Variants in AHCYL2 observed in about 807,000 individuals in gnomAD.
AHCYL2 encodes adenosylhomocysteinase like 2.
A neutral mutation model predicts 81.4 loss-of-function variants in AHCYL2; 28 were observed. The ratio of observed to expected loss-of-function variants is 0.34; its 90% CI spans 0.25 to 0.47. The LOEUF (loss-of-function observed/expected upper bound fraction) is 0.47, where lower values mean the gene tolerates loss of function less well. Ranked by LOEUF, AHCYL2 falls within the 20% of genes least tolerant of loss-of-function variation. AHCYL2 has a pLI of 1.00. For missense variants in AHCYL2, 551 were observed against 785.1 expected (o/e 0.70, Z 3.56); for synonymous variants, 272 against 290.2 (o/e 0.94, Z 0.64).
chr7:129,337,546 C>T (rs1165894166), intron 1 of AHCYL2, among the ~76,000 whole-genome samples: 1 of 151,876 alleles, frequency 6.6e-6, no homozygotes, highest in African/African-American at 2.4e-5. Flanking sequence ...ATTACAGGTG[C>T]ACACCACCAC....
chr7:129,234,949 T>G (rs542655772), intron 1 of AHCYL2, among the ~76,000 whole-genome samples: 1 of 152,366 alleles, frequency 6.6e-6, no homozygotes, highest in South Asian at 2.1e-4. Context: ...TTCTATTCTC[T>G]TTCACAGGCA....
At chr7:129,354,722 A>G (rs1793679868) in intron 1 of AHCYL2, among the ~76,000 whole-genome samples, 1 of 152,226 alleles carries the variant, frequency 6.6e-6, no homozygotes, top group Non-Finnish European at 1.5e-5. Flanking sequence ...TTTCTCTGTC[A>G]CTGCTAGACT....
chr7:129,266,664 T>A (rs1423420135), intron 1 of AHCYL2, among the ~76,000 whole-genome samples: 1 of 152,178 alleles, frequency 6.6e-6, no homozygotes, highest in Non-Finnish European at 1.5e-5. Context: ...TAATTGAGTA[T>A]CTAATTTAAT....
chr7:129,357,945 AAAAG>A (rs1393914511), intron 1 of AHCYL2, among the ~76,000 whole-genome samples: 2 of 151,670 alleles, frequency 1.3e-5, no homozygotes, highest in South Asian at 2.1e-4. Flanking sequence ...AAAAAAAAAA[AAAAG>A]AAAGTGGGGC....
At chr7:129,358,562 G>A (rs1430083232) in intron 1 of AHCYL2, among the ~76,000 whole-genome samples, 2 of 152,154 alleles carry the variant, frequency 1.3e-5, no homozygotes, top group Admixed American at 1.3e-4. Context: ...GAGACAGAAA[G>A]CAGAGCCTTG....
intron 1 of AHCYL2, among the ~76,000 whole-genome samples, chr7:129,269,176 G>A (rs950061982): frequency 4.2e-5 from 6 of 142,796 alleles, no homozygotes; most frequent in African/African-American, 1.6e-4. Context: ...TCTGAAGTGT[G>A]GTGTGGCACG....
At chr7:129,400,028 C>G (rs1795953026) in intron 5 of AHCYL2, among the ~76,000 whole-genome samples, 1 of 152,052 alleles carries the variant, frequency 6.6e-6, no homozygotes, top group East Asian at 1.9e-4. Flanking sequence ...ACCTGGCCCC[C>G]TTTCATTACA....
intron 1 of AHCYL2, among the ~76,000 whole-genome samples, chr7:129,229,256 G>A (rs1328171913): frequency 6.6e-6 from 1 of 152,104 alleles, no homozygotes; most frequent in Non-Finnish European, 1.5e-5. Context: ...CAGTAGAGAT[G>A]AAGTTTCTCC....
At chr7:129,254,775 C>T (rs1307805488) in intron 1 of AHCYL2, among the ~76,000 whole-genome samples, 1 of 152,064 alleles carries the variant, frequency 6.6e-6, no homozygotes, top group African/African-American at 2.4e-5. Flanking sequence ...CCTGAAGGCA[C>T]CTTTATAGCT....
chr7:129,422,521 C>T (rs1797163369), intron 12 of AHCYL2, among the ~76,000 whole-genome samples: 2 of 152,084 alleles, frequency 1.3e-5, no homozygotes, highest in Non-Finnish European at 2.9e-5. Flanking sequence ...TGTTTTGTGT[C>T]CCTGGCTAAA....
chr7:129,403,495 G>T lies in AHCYL2; in HGVS notation c.1025+10G>T. 1 of 1,563,302 alleles carries T rather than the reference G, an allele frequency of 6.4e-7. No homozygotes were observed. Among genetic ancestry groups the T allele is most frequent in the South Asian group, 1.1e-5 (1 of 87,808 alleles). On this transcript the variant is annotated intron_variant, in intron 7 of 16. Coordinates refer to ENST00000325006, the MANE Select transcript of AHCYL2 (RefSeq NM_015328.4). Reference sequence around the variant, plus strand: ...TTACTGGAGTTCACAGGTAAGATTTGACATGGGCATACCTGGTTTTATGCA... The same window carrying T: ...TTACTGGAGTTCACAGGTAAGATTTTACATGGGCATACCTGGTTTTATGCA...
intron 13 of AHCYL2, among the ~76,000 whole-genome samples, chr7:129,424,058 A>G (rs1182468138): frequency 1.3e-5 from 2 of 152,080 alleles, no homozygotes; most frequent in Non-Finnish European, 2.9e-5. Context: ...CAGGCTTCAT[A>G]GGAAACAAAA....
chr7:129,354,016 G>T (rs1229378546), intron 1 of AHCYL2, among the ~76,000 whole-genome samples: 2 of 152,090 alleles, frequency 1.3e-5, no homozygotes, highest in African/African-American at 4.8e-5. Flanking sequence ...AATAGGCGTA[G>T]CAATAAGGAC....
chr7:129,336,071 C>CT (rs11373631), intron 1 of AHCYL2, among the ~76,000 whole-genome samples: 95,735 of 118,090 alleles, frequency 0.81, 39,563 homozygotes, highest in East Asian at 0.95. Flanking sequence ...CTTTTCTTTC[C>CT]TTTTTTTTTT....
intron 4 of AHCYL2, among the ~76,000 whole-genome samples, chr7:129,392,515 AT>A (rs1323640862): frequency 6.6e-6 from 1 of 152,196 alleles, no homozygotes; most frequent in Non-Finnish European, 1.5e-5. Flanking sequence ...TCACCTTCCA[AT>A]CACTTCCATA....
rs1796996478 is a variant in AHCYL2 at position 129,419,160 on chromosome 7, G to A, written c.1462-3680G>A. Among the ~76,000 whole-genome samples the A allele has an allele frequency of 6.6e-6, 1 of 152,048 alleles. No individual in the cohort carries two copies. The highest frequency in any genetic ancestry group is 2.4e-5 in the African/African-American group (1 of 41,434). Reference sequence around the variant, plus strand: ...ATTTAGAAAGCTGCATTTTTTTTCTGAGAAATATGAATGCTGTGAATACTG... The same window carrying A: ...ATTTAGAAAGCTGCATTTTTTTTCTAAGAAATATGAATGCTGTGAATACTG... On this transcript the variant is annotated intron_variant, in intron 12 of 16. Transcript: ENST00000325006. The surrounding 1 kb of genome is among the most constrained non-coding windows in gnomAD (Gnocchi z 4.7).
At chr7:129,338,432 G>A (rs1361620591) in intron 1 of AHCYL2, among the ~76,000 whole-genome samples, 1 of 152,224 alleles carries the variant, frequency 6.6e-6, no homozygotes, top group African/African-American at 2.4e-5. Flanking sequence ...TAGGATTACA[G>A]GAGTGACCTG....
In AHCYL2 at chr7:129,406,594, T is replaced by C. The variant is rs188268086; in HGVS notation, c.1295+128T>C. Reference sequence around the variant, plus strand: ...GATGCTGCCACTAACTCTAAGCATCTGTCTTTTAAAAAGGTCAAGGAGCTC... The same window carrying C: ...GATGCTGCCACTAACTCTAAGCATCCGTCTTTTAAAAAGGTCAAGGAGCTC... On this transcript the variant is annotated intron_variant, in intron 10 of 16. Transcript: ENST00000325006. This position sits in a 1 kb window ranked among gnomAD's most constrained non-coding sequence, Gnocchi z 4.3. 4.5e-5 allele frequency: 41 copies of C among 907,618 alleles called. No homozygotes were observed. In the East Asian group the frequency reaches 9.5e-4, roughly 21 times the overall value. The allele number at this position is 907,618 out of a possible 1,614,324, so 56.2% of individuals were successfully genotyped here. A position where few individuals can be genotyped will look rare whatever the true frequency, so the allele number is the denominator to read the frequency against.
At chr7:129,372,091 T>A (rs2150865077) in intron 1 of AHCYL2, among the ~76,000 whole-genome samples, 1 of 152,284 alleles carries the variant, frequency 6.6e-6, no homozygotes, top group Non-Finnish European at 1.5e-5. Context: ...AAATTTTGCA[T>A]ACTGTTGTAG....
Sources: gnomAD v4.1 joint callset for allele counts (sites outside exome capture counted in the v4.1 genomes callset) on GRCh38, gnomAD v4.1.1 for gene constraint, Gnocchi (gnomAD v3.1) non-coding constraint, MANE v1.5 for transcripts, NCBI Gene and HGNC (gene_info 2026-07-23, HGNC 2026-07-21) for gene names.